Variants in SPRR2G observed in about 807,000 individuals in gnomAD.
SPRR2G encodes small proline-rich protein 2G.
In SPRR2G, 1 loss-of-function variant was observed where a neutral mutation model predicts 0.7. The observed-to-expected ratio is 1.49, with a 90% CI of 0.53 to 7.06. The LOEUF (loss-of-function observed/expected upper bound fraction) is 7.06, where lower values mean the gene tolerates loss of function less well. Among genes scored for constraint, SPRR2G ranks in the 30% most tolerant of loss-of-function variants. SPRR2G has a pLI of 0.14. For synonymous variants in SPRR2G, 38 were observed against 33.9 expected (o/e 1.12, Z -0.42); for missense variants, 96 against 88.5 (o/e 1.09, Z -0.34).
chr1:153,179,898 G>A, the SPRR2G span, among the ~76,000 whole-genome samples: 1 of 152,084 alleles, frequency 6.6e-6, no homozygotes, highest in South Asian at 2.1e-4. Flanking sequence ...AGAAGATTAT[G>A]TCCTCCCTAA....
chr1:153,180,771 A>G, the SPRR2G span, among the ~76,000 whole-genome samples: 2 of 152,078 alleles, frequency 1.3e-5, no homozygotes, highest in Non-Finnish European at 2.9e-5. Context: ...ACTCTGTCTA[A>G]ACTTGGTATT....
the SPRR2G span, chr1:153,190,190 G>A: frequency 2.0e-5 from 3 of 152,320 alleles, no homozygotes; most frequent in Admixed American, 2.0e-4. Flanking sequence ...AGGTGCCTGA[G>A]CCCTGTCTCC....
the SPRR2G span, among the ~76,000 whole-genome samples, chr1:153,167,834 T>C: frequency 6.6e-6 from 1 of 152,220 alleles, no homozygotes. Flanking sequence ...TCCACCACAA[T>C]AATATAGTAA....
At chr1:153,188,443 G>A in the SPRR2G span, among the ~76,000 whole-genome samples, 463 of 152,242 alleles carry the variant, frequency 3.0e-3, 2 homozygotes, top group African/African-American at 9.8e-3. Flanking sequence ...GGCCACAGCC[G>A]CTTTGCCATG....
the SPRR2G span, among the ~76,000 whole-genome samples, chr1:153,163,834 G>A: frequency 3.9e-5 from 6 of 152,104 alleles, no homozygotes; most frequent in South Asian, 2.1e-4. Context: ...CTTGAGCACA[G>A]TGTATCCAAA....
At chr1:153,193,100 CT>C in the SPRR2G span, among the ~76,000 whole-genome samples, 1 of 152,124 alleles carries the variant, frequency 6.6e-6, no homozygotes, top group African/African-American at 2.4e-5. Context: ...AAGGATGTAG[CT>C]TTTCTTACAT....
the SPRR2G span, chr1:153,176,566 G>T: frequency 6.6e-6 from 1 of 152,102 alleles, no homozygotes; most frequent in African/African-American, 2.4e-5. Flanking sequence ...TTCCACTTTG[G>T]CAGCTGTACA....
rs1571024853 is a variant in SPRR2G at position 153,149,984 on chromosome 1, G to A, written c.127C>T (p.Pro43Ser). ...CATGGTGGAGGTGGGCAATGCTCAGGTGGACAAGGAGGAGGCAGGTAAGGC... is the reference window on the plus strand; with the variant it reads ...CATGGTGGAGGTGGGCAATGCTCAGATGGACAAGGAGGAGGCAGGTAAGGC... Reference protein sequence around the residue: ...PEPYLPPPCPPEHCPPPPCQD... With the variant: ...PEPYLPPPCPSEHCPPPPCQD... Residue 43 changes from proline (P) to serine (S), a missense_variant, in exon 2 of 2, where the codon CCT becomes TCT. Transcript: ENST00000368748. 17 of 1,613,958 alleles carry A rather than the reference G, an allele frequency of 1.1e-5. No individual in the cohort carries two copies. Among genetic ancestry groups the A allele is most frequent in the Non-Finnish European group, 1.3e-5 (15 of 1,180,004 alleles).
chr1:153,198,776 G>T, the SPRR2G span, among the ~76,000 whole-genome samples: 1 of 152,220 alleles, frequency 6.6e-6, no homozygotes, highest in Non-Finnish European at 1.5e-5. Flanking sequence ...ATGGATGTTA[G>T]TATTGGGACC....
chr1:153,170,250 AGTT>A, the SPRR2G span, among the ~76,000 whole-genome samples: 1 of 152,208 alleles, frequency 6.6e-6, no homozygotes, highest in Admixed American at 6.5e-5. Flanking sequence ...GTTTAACCGA[AGTT>A]GTTAACTGGA....
chr1:153,197,120 A>C, the SPRR2G span, among the ~76,000 whole-genome samples: 65,135 of 146,666 alleles, frequency 0.44, 15,149 homozygotes, highest in East Asian at 0.59. Flanking sequence ...AGTGGGTCTC[A>C]CCAGGCAGAG....
the SPRR2G span, among the ~76,000 whole-genome samples, chr1:153,196,812 G>T: frequency 1.3e-5 from 2 of 152,224 alleles, 1 homozygote; most frequent in Admixed American, 1.3e-4. Flanking sequence ...CCTGCTGAGG[G>T]ATTTTCTCTT....
chr1:153,160,947 T>C, the SPRR2G span, among the ~76,000 whole-genome samples: 3 of 151,554 alleles, frequency 2.0e-5, no homozygotes, highest in Non-Finnish European at 4.4e-5. Context: ...TGTAGGGACA[T>C]GGATGAAGCT....
At chr1:153,203,213 A>G in the SPRR2G span, among the ~76,000 whole-genome samples, 1 of 151,974 alleles carries the variant, frequency 6.6e-6, no homozygotes, top group Non-Finnish European at 1.5e-5. Flanking sequence ...CTCAGAGCCC[A>G]GGACTCTTCA....
chr1:153,183,183 T>G, the SPRR2G span, among the ~76,000 whole-genome samples: 2 of 146,902 alleles, frequency 1.4e-5, no homozygotes, highest in Admixed American at 6.8e-5. Context: ...ATTCTTTAAA[T>G]TATGTGTGGT....
chr1:153,170,248 G>A, the SPRR2G span, among the ~76,000 whole-genome samples: 16 of 152,172 alleles, frequency 1.1e-4, no homozygotes, highest in South Asian at 2.1e-4. Flanking sequence ...GAGTTTAACC[G>A]AAGTTGTTAA....
the SPRR2G span, among the ~76,000 whole-genome samples, chr1:153,175,626 A>G: frequency 2.6e-5 from 4 of 152,192 alleles, no homozygotes; most frequent in Non-Finnish European, 2.9e-5. Flanking sequence ...TATAAATCTG[A>G]ACAACTCCTT....
the SPRR2G span, among the ~76,000 whole-genome samples, chr1:153,166,841 G>A: frequency 6.6e-6 from 1 of 151,908 alleles, no homozygotes; most frequent in Non-Finnish European, 1.5e-5. Context: ...TGATGTGCTT[G>A]GCACTTTAGG....
the SPRR2G span, among the ~76,000 whole-genome samples, chr1:153,194,799 G>A: frequency 7.6e-3 from 1,154 of 152,280 alleles, 7 homozygotes; most frequent in South Asian, 9.9e-3. Flanking sequence ...CCTTGGTGCA[G>A]CCCCAGAGAT....
Sources: gnomAD v4.1 joint callset for allele counts (sites outside exome capture counted in the v4.1 genomes callset) on GRCh38, gnomAD v4.1.1 for gene constraint, MANE v1.5 for transcripts, NCBI Gene and HGNC (gene_info 2026-07-23, HGNC 2026-07-21) for gene names.